The following TMEM120B variants were observed in gnomAD, a reference collection of about 807,000 sequenced individuals.
TMEM120B encodes the protein transmembrane protein 120B.
In TMEM120B, 31 loss-of-function variants were observed where a neutral mutation model predicts 55.5. That is an observed-to-expected ratio of 0.56 (90% CI 0.42 to 0.75). The LOEUF is 0.75. Ranked by LOEUF, TMEM120B falls within the 30% of genes least tolerant of loss-of-function variation. The pLI, the probability that TMEM120B is intolerant of heterozygous loss-of-function variation, is 0.00. For missense variants in TMEM120B, 399 were observed against 425.5 expected (o/e 0.94, Z 0.55); for synonymous variants, 203 against 176.3 (o/e 1.15, Z -1.20).
At chr12:121,746,890 G>A (rs144083908) in intron 2 of TMEM120B, among the ~76,000 whole-genome samples, 9,638 of 151,782 alleles carry the variant, frequency 0.063, 455 homozygotes, top group African/African-American at 0.12. Flanking sequence ...CCCAGGAGGC[G>A]GAGCTTGCAG....
At chr12:121,772,025 C>G (rs1446472457) in intron 8 of TMEM120B, among the ~76,000 whole-genome samples, 126 of 147,452 alleles carry the variant, frequency 8.5e-4, no homozygotes, top group Non-Finnish European at 1.5e-3. Flanking sequence ...GCCTTTCTTT[C>G]CCTTTCTTTC....
intron 6 of TMEM120B, among the ~76,000 whole-genome samples, chr12:121,762,057 C>T (rs1453461967): frequency 6.6e-6 from 1 of 152,062 alleles, no homozygotes; most frequent in Non-Finnish European, 1.5e-5. Context: ...CTTTGGGAGG[C>T]CGAGGGGGGC....
chr12:121,748,293 C>G, intron 2 of TMEM120B, 33 bp from the exon 3 acceptor site: 1 of 1,560,076 alleles, frequency 6.4e-7, no homozygotes, highest in Non-Finnish European at 8.8e-7. Flanking sequence ...CTGAGTGACG[C>G]CCCTTCCCCT....
In TMEM120B at chr12:121,781,503, A is replaced by G; in HGVS notation, c.*5781A>G. ...CAAAACCCATGAGCGGCAGCCCCCC[A>G]GTCCTGGATGGTGGTAAAGAATCCT... On this transcript the variant is annotated 3_prime_UTR_variant, in exon 12 of 12. Transcript: ENST00000449592. The G allele has an allele frequency of 3.1e-6, 1 of 325,760 alleles. No individual in the cohort carries two copies. Among genetic ancestry groups the G allele is most frequent in the South Asian group, 3.0e-5 (1 of 33,488 alleles). The allele number at this position is 325,760 out of a possible 1,614,324, so 20.2% of individuals were successfully genotyped here. A position where few individuals can be genotyped will look rare whatever the true frequency, so the allele number is the denominator to read the frequency against.
intron 1 of TMEM120B, among the ~76,000 whole-genome samples, chr12:121,714,381 G>C (rs545138959): frequency 6.6e-6 from 1 of 151,364 alleles, no homozygotes; most frequent in South Asian, 2.1e-4. Context: ...TCAGCCTCCT[G>C]AGTAGCTGGA....
intron 1 of TMEM120B, among the ~76,000 whole-genome samples, chr12:121,713,899 C>G (rs1894647017): frequency 6.6e-6 from 1 of 152,116 alleles, no homozygotes; most frequent in Non-Finnish European, 1.5e-5. Flanking sequence ...CACTATCACC[C>G]CAGTCCTCTC....
intron 1 of TMEM120B, among the ~76,000 whole-genome samples, chr12:121,729,241 C>T (rs1162209903): frequency 2.6e-5 from 4 of 152,232 alleles, no homozygotes; most frequent in African/African-American, 9.6e-5. Context: ...TGGAGGCTTG[C>T]AGTGCCTCCG....
rs199794385 is a variant in TMEM120B, at chr12:121,779,638, G to T, written c.*3916G>T. 1 of 1,614,064 alleles carries T rather than the reference G, an allele frequency of 6.2e-7. No homozygotes were observed. The highest frequency in any genetic ancestry group is 8.5e-7 in the Non-Finnish European group (1 of 1,179,938). ...GAACATTCCAGGTAGAGAGCAGCTC[G>T]GATCTGTTCGCAGGCGCTCAGGCCC... On this transcript the variant is annotated 3_prime_UTR_variant, in exon 12 of 12. Coordinates refer to ENST00000449592, the MANE Select transcript of TMEM120B (RefSeq NM_001080825.2).
intron 1 of TMEM120B, among the ~76,000 whole-genome samples, chr12:121,733,136 A>G (rs1437942726): frequency 2.0e-5 from 3 of 152,194 alleles, no homozygotes; most frequent in African/African-American, 4.8e-5. Flanking sequence ...TTATAGTCAG[A>G]CACAGGAAGC....
intron 4 of TMEM120B, among the ~76,000 whole-genome samples, chr12:121,751,085 AC>A (rs1873300904): frequency 1.0e-5 from 1 of 97,674 alleles, no homozygotes. Context: ...CTCACACCCC[AC>A]ACCTACACCC....
rs1005798853 is a variant in TMEM120B at position 121,776,712 on chromosome 12, C to A, written c.*990C>A. 6.6e-6 allele frequency: 1 copy of A among 152,232 alleles called. No individual in the cohort carries two copies. The highest frequency in any genetic ancestry group is 2.4e-5 in the African/African-American group (1 of 41,444). 9.4% of individuals were successfully genotyped at this position (152,232 alleles called of 1,614,324 possible). The stretch of plus-strand genomic sequence containing the variant: ...GGGCCTCAGCTCCCCCTAACTGTGG[C>A]CCTACAAATCCCTAGGCCAGACCTC... On this transcript the variant is annotated 3_prime_UTR_variant, in exon 12 of 12. Coordinates refer to ENST00000449592, the MANE Select transcript of TMEM120B (RefSeq NM_001080825.2).
intron 1 of TMEM120B, among the ~76,000 whole-genome samples, chr12:121,724,838 C>G (rs1219556654): frequency 6.7e-6 from 1 of 148,900 alleles, no homozygotes; most frequent in Non-Finnish European, 1.5e-5. Flanking sequence ...TCTCGATCTC[C>G]TGACTTTGTG....
rs993968990 is a variant in TMEM120B, at chr12:121,779,929, G to T, written c.*4207G>T. On this transcript the variant is annotated 3_prime_UTR_variant, in exon 12 of 12. Transcript: ENST00000449592. ...CGGGCAGGGAGGGGCTGAATCCTGA[G>T]ACCCGGGGTTGGTTCCCCCAGGTGT... The T allele has an allele frequency of 4.8e-6, 2 of 417,352 alleles. No homozygotes were observed. The highest frequency in any genetic ancestry group is 2.4e-5 in the African/African-American group (1 of 41,412). 25.9% of individuals were successfully genotyped at this position (417,352 alleles called of 1,614,324 possible).
chr12:121,735,935 C>T (rs1034161496), intron 1 of TMEM120B, among the ~76,000 whole-genome samples: 18 of 152,120 alleles, frequency 1.2e-4, no homozygotes, highest in African/African-American at 4.1e-4. Flanking sequence ...CGTGATCCAC[C>T]CGCATCGGCC....
At chr12:121,728,100 CG>C (rs1290450146) in intron 1 of TMEM120B, among the ~76,000 whole-genome samples, 1 of 150,598 alleles carries the variant, frequency 6.6e-6, no homozygotes, top group Non-Finnish European at 1.5e-5. Context: ...CTCTGCCTTC[CG>C]GGTTCAAGTG....
intron 5 of TMEM120B, among the ~76,000 whole-genome samples, 191 bp downstream of exon 5, chr12:121,752,414 A>G (rs1288597030): frequency 6.6e-6 from 1 of 152,138 alleles, no homozygotes; most frequent in African/African-American, 2.4e-5. Flanking sequence ...TCCAACAAGT[A>G]TCTGTTAAAC....
At chr12:121,750,714 C>CCA (rs1873261168) in intron 4 of TMEM120B, among the ~76,000 whole-genome samples, 1 of 142,734 alleles carries the variant, frequency 7.0e-6, no homozygotes, top group African/African-American at 2.6e-5. Context: ...TGCCAACACC[C>CCA]CACCCACACC....
At chr12:121,743,852 A>G in intron 2 of TMEM120B, 105 bp downstream of exon 2, 2 of 821,776 alleles carry the variant, frequency 2.4e-6, no homozygotes, top group Non-Finnish European at 4.0e-6. Context: ...AAAAGACAGG[A>G]CTGGGAGTTG....
chr12:121,739,798 C>CT (rs200085137), intron 1 of TMEM120B, among the ~76,000 whole-genome samples: 1,042 of 99,138 alleles, frequency 0.011, 11 homozygotes, highest in Middle Eastern at 0.045. Flanking sequence ...TGCAACACTT[C>CT]TTTTTTTTTT....
Sources: allele counts gnomAD v4.1 joint callset (sites outside exome capture counted in the v4.1 genomes callset), GRCh38; gene constraint gnomAD v4.1.1; transcripts MANE v1.5; gene names NCBI Gene and HGNC (gene_info 2026-07-23, HGNC 2026-07-21).